The following ATP13A4 variants were observed in gnomAD, a reference collection of about 807,000 sequenced individuals.
The protein encoded by ATP13A4 is probable cation-transporting ATPase 13A4.
A neutral mutation model predicts 142.5 loss-of-function variants in ATP13A4; 114 were observed. The ratio of observed to expected loss-of-function variants is 0.80; its 90% CI spans 0.69 to 0.93. The LOEUF is 0.93. ATP13A4 is among the 40% of genes least tolerant of loss of function. The pLI, the probability that ATP13A4 is intolerant of heterozygous loss-of-function variation, is 0.00. For missense variants in ATP13A4, 1,392 were observed against 1,454.0 expected (o/e 0.96, Z 0.69); for synonymous variants, 488 against 514.8 (o/e 0.95, Z 0.70).
At chr3:193,581,832 A>G (rs1050710716) in exon 2 of ATP13A4, 1 of 152,042 alleles carries the variant, frequency 6.6e-6, no homozygotes, top group Non-Finnish European at 1.5e-5. Context: ...AATTGCCAAC[A>G]TTTCTCCTGC....
At chr3:193,529,098 C>A (rs530755645) in intron 1 of ATP13A4, among the ~76,000 whole-genome samples, 1 of 152,120 alleles carries the variant, frequency 6.6e-6, no homozygotes, top group Non-Finnish European at 1.5e-5. Flanking sequence ...GGCGAAACCC[C>A]GTCTCTACTA....
At chr3:193,487,110 C>G (rs184710073) in intron 7 of ATP13A4, among the ~76,000 whole-genome samples, 40 of 152,068 alleles carry the variant, frequency 2.6e-4, no homozygotes, top group South Asian at 1.5e-3. Flanking sequence ...CAAAAGAGAA[C>G]GGAAAAGAGC....
chr3:193,440,279 G>C (rs998326262), intron 21 of ATP13A4: 1 of 425,102 alleles, frequency 2.4e-6, no homozygotes, highest in African/African-American at 2.0e-5. Flanking sequence ...GGACCCTTAG[G>C]TTCTAGTCCA....
intron 25 of ATP13A4, among the ~76,000 whole-genome samples, chr3:193,417,265 A>C (rs1560172903): frequency 6.6e-6 from 1 of 152,224 alleles, no homozygotes; most frequent in Admixed American, 6.5e-5. Context: ...ATAGCTACTC[A>C]AACACTTACG....
At chr3:193,582,322 T>C (rs1020152940) in intron 1 of ATP13A4, among the ~76,000 whole-genome samples, 1 of 149,470 alleles carries the variant, frequency 6.7e-6, no homozygotes, top group Non-Finnish European at 1.5e-5. Flanking sequence ...CTAATTTTTT[T>C]ATTTTTAGTA....
chr3:193,524,834 C>T (rs1386026262), intron 1 of ATP13A4, among the ~76,000 whole-genome samples: 3 of 152,110 alleles, frequency 2.0e-5, no homozygotes, highest in Non-Finnish European at 4.4e-5. Context: ...TGATTAATAA[C>T]CTCTCAGTGA....
intron 2 of ATP13A4, among the ~76,000 whole-genome samples, chr3:193,562,060 A>G (rs1267531174): frequency 6.6e-6 from 1 of 152,080 alleles, no homozygotes; most frequent in Non-Finnish European, 1.5e-5. Context: ...GTTTGTTCAT[A>G]TCTCATTGAC....
intron 1 of ATP13A4, among the ~76,000 whole-genome samples, chr3:193,522,921 A>G (rs1721801760): frequency 6.6e-6 from 1 of 152,152 alleles, no homozygotes; most frequent in Non-Finnish European, 1.5e-5. Context: ...ATAAATAAAT[A>G]TTTTGTCTTT....
intron 1 of ATP13A4, among the ~76,000 whole-genome samples, chr3:193,517,238 C>T (rs1167812570): frequency 2.6e-5 from 4 of 152,096 alleles, no homozygotes; most frequent in East Asian, 1.9e-4. Context: ...ATGTGCTAGA[C>T]GCAGAGATAA....
intron 7 of ATP13A4, among the ~76,000 whole-genome samples, chr3:193,487,890 G>C (rs575717819): frequency 1.3e-5 from 2 of 152,134 alleles, no homozygotes; most frequent in Non-Finnish European, 2.9e-5. Flanking sequence ...ATCAACATTG[G>C]ACTGGTTAAA....
At position 193,531,347 on chromosome 3, in the gene ATP13A4, AGAGGGAGGGAG is replaced by A. The variant is rs1305403988; in HGVS notation, c.61-16487_61-16477del. Among the ~76,000 whole-genome samples, 13 of 45,808 alleles carry A rather than the reference AGAGGGAGGGAG, an allele frequency of 2.8e-4. 1 individual carries two copies. Among genetic ancestry groups the A allele is most frequent in the African/African-American group, 8.7e-4 (11 of 12,598 alleles). The allele number at this position is 45,808 out of a possible 152,430, so 30.1% of individuals were successfully genotyped here. A position where few individuals can be genotyped will look rare whatever the true frequency, so the allele number is the denominator to read the frequency against. On this transcript the variant is annotated intron_variant, in intron 1 of 29. Transcript: ENST00000342695. The stretch of plus-strand genomic sequence containing the variant: ...GGAAGGAAGGAAGGAAGGGAGGAAG[AGAGGGAGGGAG>A]GAGGGAGGGAGGGAGGAGCGAAGGA...
intron 1 of ATP13A4, 88 bp from the exon 2 acceptor site, chr3:193,514,959 G>A: frequency 2.1e-6 from 3 of 1,457,018 alleles, no homozygotes; most frequent in Non-Finnish European, 2.8e-6. Flanking sequence ...TGGAAATGGG[G>A]GCAGAGTGAA....
At chr3:193,414,839 T>C in intron 25 of ATP13A4, 89 bp from the exon 26 acceptor site, 2 of 1,300,688 alleles carry the variant, frequency 1.5e-6, no homozygotes, top group Non-Finnish European at 2.2e-6. Flanking sequence ...GGCCCATACA[T>C]TTGAGGAAAT....
At chr3:193,587,231 T>G (rs948512301) in intron 1 of ATP13A4, among the ~76,000 whole-genome samples, 2 of 152,220 alleles carry the variant, frequency 1.3e-5, no homozygotes, top group Admixed American at 6.5e-5. Context: ...GTCTTTAATC[T>G]GTATCACTGG....
At chr3:193,509,681 C>G (rs1167602362) in intron 2 of ATP13A4, among the ~76,000 whole-genome samples, 2 of 152,182 alleles carry the variant, frequency 1.3e-5, no homozygotes, top group Non-Finnish European at 2.9e-5. Context: ...AAACACAGAG[C>G]TAATGCAGGA....
chr3:193,477,836 C>T, intron 8 of ATP13A4, among the ~76,000 whole-genome samples: 1 of 151,972 alleles, frequency 6.6e-6, no homozygotes, highest in East Asian at 1.9e-4. Context: ...CCGAGGGTCT[C>T]TCCTTAGTGT....
chr3:193,434,891 G>C (rs538636607), intron 24 of ATP13A4, among the ~76,000 whole-genome samples: 1 of 152,284 alleles, frequency 6.6e-6, no homozygotes, highest in Non-Finnish European at 1.5e-5. Context: ...CCAGTGGCAT[G>C]CTGGCTTATA....
At position 193,466,078 on chromosome 3, in the gene ATP13A4, C is replaced by T; in HGVS notation, c.1219G>A (p.Gly407Arg). Residue 407 changes from glycine (G) to arginine (R), a missense_variant, in exon 11 of 30, where the codon GGA (glycine) becomes AGA (arginine). Gly to Arg is a moderately radical substitution (Grantham distance 125). Coordinates refer to ENST00000342695, the MANE Select transcript of ATP13A4 (RefSeq NM_032279.4). ...DAIRFLLCLV[G>R]TATIGMIYTL... ...TAGATCATCCCAATGGTGGCTGTTC[C>T]TACAAGGCACAGGAGGAACCTGATG... 1 of 1,614,180 alleles carries T rather than the reference C, an allele frequency of 6.2e-7. No homozygotes were observed. The highest frequency in any genetic ancestry group is 2.2e-5 in the East Asian group (1 of 44,876).
At chr3:193,521,881 C>T (rs561576261) in intron 1 of ATP13A4, among the ~76,000 whole-genome samples, 4 of 151,834 alleles carry the variant, frequency 2.6e-5, no homozygotes, top group Admixed American at 2.0e-4. Flanking sequence ...TGCAGTGAGC[C>T]GAGATGGTGC....
Sources: gnomAD v4.1 joint callset for allele counts (sites outside exome capture counted in the v4.1 genomes callset) on GRCh38, gnomAD v4.1.1 for gene constraint, MANE v1.5 for transcripts, NCBI Gene and HGNC (gene_info 2026-07-23, HGNC 2026-07-21) for gene names.